The following TCF3 variants were observed in gnomAD, a reference collection of about 807,000 sequenced individuals.
TCF3 encodes the protein transcription factor 3.
Under a neutral mutation model 72.3 loss-of-function variants are expected in TCF3, and 54 were observed. That is an observed-to-expected ratio of 0.75 (90% CI 0.60 to 0.94). The LOEUF (loss-of-function observed/expected upper bound fraction) is 0.94, where lower values mean the gene tolerates loss of function less well. Among genes scored for constraint, TCF3 ranks in the 40% least tolerant of loss-of-function variants. The pLI, the probability that TCF3 is intolerant of heterozygous loss-of-function variation, is 0.00. For synonymous variants in TCF3, 525 were observed against 412.6 expected (o/e 1.27, Z -3.30); for missense variants, 1,078 against 934.4 (o/e 1.15, Z -2.00).
chr19:1,611,526 TG>T lies in TCF3; in HGVS notation c.*180del. ...GTAGGCCAGGGCCCCAGGGAGCTCC[TG>T]GACCCAGTGTCACCTTGGCCGCCCC... On this transcript the variant is annotated 3_prime_UTR_variant, in exon 19 of 19. Transcript: ENST00000262965. 1.3e-6 allele frequency: 1 copy of T among 799,572 alleles called. No individual in the cohort carries two copies. The highest frequency in any genetic ancestry group is 1.9e-6 in the Non-Finnish European group (1 of 532,698). The allele number at this position is 799,572 out of a possible 1,614,324, so 49.5% of individuals were successfully genotyped here. A position where few individuals can be genotyped will look rare whatever the true frequency, so the allele number is the denominator to read the frequency against.
Position 1,649,969 on chromosome 19 carries a change from C to T in TCF3, c.72+208G>A, listed in dbSNP as rs115704894. 7.8e-3 allele frequency among the ~76,000 whole-genome samples: 1,187 copies of T among 152,318 alleles called. 19 individuals are homozygous for T. Among genetic ancestry groups the T allele is most frequent in the African/African-American group, 0.022 (908 of 41,570 alleles). On this transcript the variant is annotated intron_variant, in intron 2 of 18. Transcript: ENST00000262965. ...GCAGTAGGCTGTAGAATGCTGCGTC[C>T]GGGCAAAAGCCCCATAGCACACGTG...
intron 7 of TCF3, 83 bp downstream of exon 7, chr19:1,625,493 C>T (rs2062774245): frequency 7.0e-7 from 1 of 1,431,972 alleles, no homozygotes. Flanking sequence ...CCCTCTGGTG[C>T]CCTCAGCTAA....
rs372482188 is a variant in TCF3, at chr19:1,646,377, G to A, written c.123C>T (p.Ala41=). The A allele has an allele frequency of 2.1e-5, 33 of 1,550,214 alleles. No individual in the cohort carries two copies. The highest frequency in any genetic ancestry group is 9.5e-5 in the South Asian group (8 of 84,044). The part of the protein sequence containing the change: ...TNGKGRPASL[A]GAQFGGSGLE... ...TACCTGAACCTCCGAACTGCGCCCC[G>A]GCCAGGGAGGCGGGCCGGCCCTTCC... is the stretch of plus-strand genomic sequence containing the variant. The change falls in exon 3 of 19, where the codon GCC becomes GCT. Residue 41 remains alanine (A), a synonymous_variant. Transcript: ENST00000262965.
intron 18 of TCF3, chr19:1,612,252 G>A: frequency 6.2e-7 from 1 of 1,609,536 alleles, no homozygotes; most frequent in Non-Finnish European, 8.5e-7. Context: ...ACGGCCTGCT[G>A]CAGGATGAGC....
At chr19:1,619,943 G>T (rs373093885) in intron 13 of TCF3, 90 bp from the exon 14 acceptor site, 1 of 1,133,080 alleles carries the variant, frequency 8.8e-7, no homozygotes, top group Non-Finnish European at 1.3e-6. Context: ...GAACCACCCC[G>T]CCTGTCCAGC....
chr19:1,633,312 C>G (rs1307165164), intron 3 of TCF3, among the ~76,000 whole-genome samples: 1 of 152,146 alleles, frequency 6.6e-6, no homozygotes, highest in Non-Finnish European at 1.5e-5. Flanking sequence ...AAATGATTTA[C>G]AAACAGGCCC....
chr19:1,651,850 T>G (rs2145846072), intron 1 of TCF3, among the ~76,000 whole-genome samples: 1 of 132,850 alleles, frequency 7.5e-6, no homozygotes, highest in South Asian at 2.7e-4. Flanking sequence ...GCGCGGCACC[T>G]TCCCCGCGCA....
At chr19:1,641,339 G>A (rs1418908008) in intron 3 of TCF3, among the ~76,000 whole-genome samples, 1 of 152,126 alleles carries the variant, frequency 6.6e-6, no homozygotes, top group Non-Finnish European at 1.5e-5. Context: ...AAATTGGGCT[G>A]GGCACAGTGG....
Position 1,632,094 on chromosome 19 carries a change from A to C in TCF3, c.242T>G (p.Phe81Cys). 1 of 1,613,370 alleles carries C rather than the reference A, an allele frequency of 6.2e-7. No homozygotes were observed. Among genetic ancestry groups the C allele is most frequent in the South Asian group, 1.1e-5 (1 of 90,958 alleles). The change falls in exon 5 of 19, where the codon TTC becomes TGC. Residue 81 changes from phenylalanine to cysteine, a missense_variant. Coordinates refer to ENST00000262965, the MANE Select transcript of TCF3 (RefSeq NM_003200.5). ...PSRTFSEGTH[F>C]TESHSSLSSS... The stretch of plus-strand genomic sequence containing the variant: ...AGAGAGGCTGCTGTGCGACTCAGTG[A>C]AGTGGGTGCCCTCGCTGAAGGTCTA...
Position 1,614,806 on chromosome 19 carries a change from G to A in TCF3, c.1822+479C>T, listed in dbSNP as rs1292986455. Among the ~76,000 whole-genome samples the A allele has an allele frequency of 6.6e-6, 1 of 152,062 alleles. No individual in the cohort carries two copies. On this transcript the variant is annotated intron_variant, in intron 18 of 18. Transcript: ENST00000262965. The surrounding 1 kb of genome is among the most constrained non-coding windows in gnomAD (Gnocchi z 5.6). ...AGTTTCCCTATCACCTTCAGATAGG[G>A]AAACTGAGTCAGAGACAGGGGATGG...
In TCF3 at chr19:1,615,330, G is replaced by A. The variant is rs373511399; in HGVS notation, c.1777C>T (p.His593Tyr). The change falls in exon 18 of 19, where the codon CAC becomes TAC. Residue 593 changes from histidine to tyrosine, a missense_variant. Physicochemically the swap from His to Tyr is moderately conservative, Grantham distance 83. Coordinates refer to ENST00000262965, the MANE Select transcript of TCF3 (RefSeq NM_003200.5). This position sits in a 1 kb window ranked among gnomAD's most constrained non-coding sequence, Gnocchi z 7.3. ...TTCAGGATGACCGAGACAGCCTGGTGCAGGATGAGCAGTTTGGTCTGGGGC... is the reference window on the plus strand; with the variant it reads ...TTCAGGATGACCGAGACAGCCTGGTACAGGATGAGCAGTTTGGTCTGGGGC... ...EKPQTKLLIL[H>Y]QAVSVILNLE... 6.2e-7 allele frequency: 1 copy of A among 1,610,856 alleles called. No individual in the cohort carries two copies. The highest frequency in any genetic ancestry group is 8.5e-7 in the Non-Finnish European group (1 of 1,177,388).
At chr19:1,646,490 G>A in intron 2 of TCF3, 63 bp from the exon 3 acceptor site, 1 of 1,466,548 alleles carries the variant, frequency 6.8e-7, no homozygotes, top group Admixed American at 2.0e-5. Context: ...ACAGTCCCGG[G>A]TTCAAACCCA....
intron 8 of TCF3, among the ~76,000 whole-genome samples, 189 bp from the exon 9 acceptor site, chr19:1,622,604 C>T (rs1341002312): frequency 6.6e-6 from 1 of 152,008 alleles, no homozygotes; most frequent in Non-Finnish European, 1.5e-5. Context: ...ATGTCCTGGT[C>T]TCTCTCTCCT....
intron 18 of TCF3, chr19:1,612,547 A>C: frequency 4.8e-6 from 5 of 1,039,164 alleles, no homozygotes; most frequent in Non-Finnish European, 7.1e-6. Context: ...TGTGGGCAGC[A>C]GTGTGGGTAC....
intron 18 of TCF3, chr19:1,612,116 C>G (rs1027919266): frequency 3.0e-6 from 4 of 1,324,114 alleles, no homozygotes; most frequent in Non-Finnish European, 4.1e-6. Flanking sequence ...GGACAGAGTC[C>G]GGGGGCGGCA....
rs563653611 is a variant in TCF3 at position 1,625,420 on chromosome 19, C to T, written c.499+156G>A. 2.6e-5 allele frequency among the ~76,000 whole-genome samples: 4 copies of T among 152,370 alleles called. No individual in the cohort carries two copies. The East Asian group carries it at 7.7e-4, about 29-fold the overall frequency. On this transcript the variant is annotated intron_variant, in intron 7 of 18. Transcript: ENST00000262965. Reference sequence around the variant, plus strand: ...CCCTGCCTCGACCCCCCGTCACCGTCCATCCCTCCCACGGCCCGAGCGCCC... The same window carrying T: ...CCCTGCCTCGACCCCCCGTCACCGTTCATCCCTCCCACGGCCCGAGCGCCC...
intron 8 of TCF3, among the ~76,000 whole-genome samples, chr19:1,623,132 G>A (rs575041045): frequency 1.4e-3 from 209 of 152,274 alleles, no homozygotes; most frequent in Non-Finnish European, 2.6e-3. Context: ...CCTGTGGGGA[G>A]CTGGTCGGCT....
rs1228341988 is a variant in TCF3, at chr19:1,611,204, T to A, written c.*503A>T. ...ATGTTTTTATTTTCCTTAAAAAAAATATTTCGCTTAGGCACAATTTGCTGG... is the reference window on the plus strand; with the variant it reads ...ATGTTTTTATTTTCCTTAAAAAAAAAATTTCGCTTAGGCACAATTTGCTGG... On this transcript the variant is annotated 3_prime_UTR_variant, in exon 19 of 19. Transcript: ENST00000262965. 7.6e-6 allele frequency: 2 copies of A among 263,414 alleles called. No individual in the cohort carries two copies. Among genetic ancestry groups the A allele is most frequent in the Non-Finnish European group, 1.4e-5 (2 of 139,646 alleles). The allele number at this position is 263,414 out of a possible 1,614,324, so 16.3% of individuals were successfully genotyped here.
rs759788862 is a variant in TCF3 at position 1,615,432 on chromosome 19, G to A, written c.1675C>T (p.Arg559Trp). 11 of 1,613,518 alleles carry A rather than the reference G, an allele frequency of 6.8e-6. No homozygotes were observed. The highest frequency in any genetic ancestry group is 2.7e-5 in the African/African-American group (2 of 74,926). ...ERRVANNARE[R>W]LRVRDINEAF... Reference sequence around the variant, plus strand: ...TCGTTGATGTCACGGACCCGCAGCCGCTCCCGGGCGTTATTGGCCACCCGG... The same window carrying A: ...TCGTTGATGTCACGGACCCGCAGCCACTCCCGGGCGTTATTGGCCACCCGG... Residue 559 changes from arginine (R) to tryptophan (W), a missense_variant, in exon 18 of 19, where the codon CGG becomes TGG. Transcript: ENST00000262965. The surrounding 1 kb of genome is among the most constrained non-coding windows in gnomAD (Gnocchi z 7.3).
Sources: allele counts gnomAD v4.1 joint callset (sites outside exome capture counted in the v4.1 genomes callset), GRCh38; gene constraint gnomAD v4.1.1; non-coding constraint Gnocchi (gnomAD v3.1); transcripts MANE v1.5; gene names NCBI Gene and HGNC (gene_info 2026-07-23, HGNC 2026-07-21).